C6orf89: variants seen among roughly 807,000 people sequenced by gnomAD.
The protein encoded by C6orf89 is chromosome 6 open reading frame 89, also known as bombesin receptor-activated protein C6orf89.
C6orf89 carries 29 observed loss-of-function variants against 40.7 expected under a neutral mutation model. That is an observed-to-expected ratio of 0.71 (90% CI 0.53 to 0.97). C6orf89 has a LOEUF of 0.97. Among genes scored for constraint, C6orf89 ranks in the 50% least tolerant of loss-of-function variants. The probability of loss-of-function intolerance (pLI) is 0.00; values close to 1 mark genes in which losing one functional copy is unlikely to be tolerated. For synonymous variants in C6orf89, 165 were observed against 152.2 expected, an observed-to-expected ratio of 1.08 and a Z score of -0.62; for missense variants, 392 against 429.1, an observed-to-expected ratio of 0.91 and a Z score of 0.76.
At chr6:36,883,576 A>T (rs1329441732), upstream of C6orf89, among the ~76,000 whole-genome samples, 1 of 152,250 alleles carries the variant, frequency 6.6e-6, no homozygotes, top group African/African-American at 2.4e-5. Context: ...AGCCTTAAAC[A>T]TGAATAACCT....
chr6:36,901,782 G>A (rs1024392997), intron 3 of C6orf89, among the ~76,000 whole-genome samples: 4 of 149,772 alleles, frequency 2.7e-5, no homozygotes, highest in African/African-American at 7.4e-5. Context: ...GCCATTCTCC[G>A]GCCTCAGCCT....
At chr6:36,884,304 A>C (rs760608429), upstream of C6orf89, among the ~76,000 whole-genome samples, 1 of 152,208 alleles carries the variant, frequency 6.6e-6, no homozygotes, top group African/African-American at 2.4e-5. This position sits in a 1 kb window ranked among gnomAD's most constrained non-coding sequence, Gnocchi z 4.0. Context: ...GTAGGGGATT[A>C]GTGAAAAGAC....
intron 4 of C6orf89, among the ~76,000 whole-genome samples, chr6:36,908,967 A>G (rs1473930441): frequency 6.6e-6 from 1 of 152,226 alleles, no homozygotes; most frequent in East Asian, 1.9e-4. Context: ...GACATCATTC[A>G]GATTGGATTC....
rs1762662183 is a variant in C6orf89 at position 36,925,943 on chromosome 6, C to G, written c.*2502C>G. 6.6e-6 allele frequency: 1 copy of G among 152,238 alleles called. No individual in the cohort carries two copies. The highest frequency in any genetic ancestry group is 6.5e-5 in the Admixed American group (1 of 15,288). The allele number at this position is 152,238 out of a possible 1,614,324, so 9.4% of individuals were successfully genotyped here. On this transcript the variant is annotated 3_prime_UTR_variant, in exon 9 of 9. Transcript: ENST00000480824. ...ACAATAAGAACAAAACTGTAGGGCTCTAAAGAGAGGGGGTGGTTTACAAGT... is the reference window on the plus strand; with the variant it reads ...ACAATAAGAACAAAACTGTAGGGCTGTAAAGAGAGGGGGTGGTTTACAAGT...
At chr6:36,913,281 G>A (rs934357446) in intron 4 of C6orf89, among the ~76,000 whole-genome samples, 3 of 152,200 alleles carry the variant, frequency 2.0e-5, no homozygotes, top group African/African-American at 4.8e-5. Flanking sequence ...TTCCATTTCT[G>A]ACCAGCATGT....
upstream of C6orf89, among the ~76,000 whole-genome samples, chr6:36,885,437 T>C (rs146109229): frequency 1.3e-3 from 204 of 152,370 alleles, no homozygotes; most frequent in Non-Finnish European, 2.0e-3. Context: ...TCGTGAATCT[T>C]CCATTGCTCA....
rs1318006003 is a variant in C6orf89 at position 36,927,694 on chromosome 6, C to A, written c.*4253C>A. The A allele has an allele frequency of 6.6e-6, 1 of 152,226 alleles. No homozygotes were observed. The highest frequency in any genetic ancestry group is 2.4e-5 in the African/African-American group (1 of 41,440). 9.4% of individuals were successfully genotyped at this position (152,226 alleles called of 1,614,324 possible). ...GAAATTCTCTCTGTATTTGGACCTGCAGATGTTGTGTACAGAACCGATGCA... is the reference window on the plus strand; with the variant it reads ...GAAATTCTCTCTGTATTTGGACCTGAAGATGTTGTGTACAGAACCGATGCA... On this transcript the variant is annotated 3_prime_UTR_variant, in exon 9 of 9. Transcript: ENST00000480824.
rs537922814 is a variant in C6orf89, at chr6:36,926,456, C to T, written c.*3015C>T. ...GCTGAGGCAGGAAAATTGCTTGAAC[C>T]GGGGAGGCGGAGATTGCAGTGAGCC... On this transcript the variant is annotated 3_prime_UTR_variant, in exon 9 of 9. Coordinates refer to ENST00000480824, the MANE Select transcript of C6orf89 (RefSeq NM_001286635.2). 3 of 151,522 alleles carry T rather than the reference C, an allele frequency of 2.0e-5. No homozygotes were observed. The highest frequency in any genetic ancestry group is 4.4e-5 in the Non-Finnish European group (3 of 67,936). The allele number at this position is 151,522 out of a possible 1,614,324, so 9.4% of individuals were successfully genotyped here. A position where few individuals can be genotyped will look rare whatever the true frequency, so the allele number is the denominator to read the frequency against.
chr6:36,912,557 CA>C (rs1291995583), intron 4 of C6orf89, among the ~76,000 whole-genome samples: 2 of 152,128 alleles, frequency 1.3e-5, no homozygotes, highest in Non-Finnish European at 2.9e-5. Flanking sequence ...AGAAAAAATG[CA>C]ACTTTGCAGC....
Position 36,921,848 on chromosome 6 carries a change from T to C in C6orf89, c.950-1499T>C, listed in dbSNP as rs372426514. ...TTCAAGACCAGTCTGGGCAAGATGG[T>C]AGGACCTTGTATCTACCCAAAATTA... On this transcript the variant is annotated intron_variant, in intron 8 of 8. Transcript: ENST00000480824. Among the ~76,000 whole-genome samples, 4 of 151,782 alleles carry C rather than the reference T, an allele frequency of 2.6e-5. No homozygotes were observed. In the East Asian group the frequency reaches 5.9e-4, roughly 22 times the overall value.
At position 36,902,219 on chromosome 6, in the gene C6orf89, A is replaced by G. The variant is rs763617283; in HGVS notation, c.190-2A>G. 8.1e-6 allele frequency: 13 copies of G among 1,613,474 alleles called. No individual in the cohort carries two copies. Among genetic ancestry groups the G allele is most frequent in the African/African-American group, 2.7e-5 (2 of 74,832 alleles). On this transcript the variant is annotated splice_acceptor_variant, in intron 3 of 8. Coordinates refer to ENST00000480824, the MANE Select transcript of C6orf89 (RefSeq NM_001286635.2). LOFTEE classifies it high-confidence loss of function. The stretch of plus-strand genomic sequence containing the variant: ...TAATGCCTTTTCTATCTTTCCTTGT[A>G]GGTTCTCGCAACCTTGGGATTAATC...
chr6:36,911,156 C>T (rs1583187740), intron 4 of C6orf89, among the ~76,000 whole-genome samples: 1 of 152,226 alleles, frequency 6.6e-6, no homozygotes, highest in African/African-American at 2.4e-5. Flanking sequence ...ACCTGGAAAT[C>T]CCAAGAATAT....
chr6:36,913,427 C>G (rs1437865207), intron 4 of C6orf89, among the ~76,000 whole-genome samples: 1 of 152,212 alleles, frequency 6.6e-6, no homozygotes, highest in Non-Finnish European at 1.5e-5. Context: ...TCCCTTTCCT[C>G]TTCTGTGTCC....
At chr6:36,876,977 C>T (rs1774675859) in intron 1 of C6orf89, among the ~76,000 whole-genome samples, 1 of 152,210 alleles carries the variant, frequency 6.6e-6, no homozygotes, top group African/African-American at 2.4e-5. Flanking sequence ...AAAGGGTAGA[C>T]CACTTTCTGC....
At chr6:36,874,782 G>A (rs1483296704) in intron 1 of C6orf89, 1 of 1,614,014 alleles carries the variant, frequency 6.2e-7, no homozygotes, top group South Asian at 1.1e-5. Flanking sequence ...TAGCGAAGCC[G>A]GCGGCGGAAT....
Position 36,919,698 on chromosome 6 carries a change from A to T in C6orf89, c.946A>T (p.Ile316Phe), listed in dbSNP as rs747492459. ...SVAMPIEPGD[I>F]GYVDTTHWKV... ...GGCCATGCCAATAGAGCCAGGGGATATCGGTATGTAGGGCCCCAGGAGGGC... is the reference window on the plus strand; with the variant it reads ...GGCCATGCCAATAGAGCCAGGGGATTTCGGTATGTAGGGCCCCAGGAGGGC... Residue 316 changes from isoleucine (I) to phenylalanine (F), a missense_variant, in exon 8 of 9, where the codon ATC becomes TTC. Physicochemically the swap from Ile to Phe is conservative, Grantham distance 21. Transcript: ENST00000480824. The T allele has an allele frequency of 6.2e-7, 1 of 1,611,320 alleles. No individual in the cohort carries two copies. Among genetic ancestry groups the T allele is most frequent in the South Asian group, 1.1e-5 (1 of 90,742 alleles).
intron 2 of C6orf89, among the ~76,000 whole-genome samples, chr6:36,899,040 C>A (rs151060050): frequency 1.3e-5 from 2 of 152,188 alleles, no homozygotes; most frequent in East Asian, 3.9e-4. Flanking sequence ...TGTGCATAAT[C>A]CATTTTTTTT....
intron 2 of C6orf89, among the ~76,000 whole-genome samples, chr6:36,897,642 G>A (rs1469416060): frequency 1.3e-5 from 2 of 152,162 alleles, no homozygotes; most frequent in East Asian, 3.8e-4. Context: ...TTGATGCCCA[G>A]GTATGAGCAT....
At chr6:36,894,731 A>AC in intron 2 of C6orf89, 128 bp downstream of exon 2, 1 of 173,172 alleles carries the variant, frequency 5.8e-6, no homozygotes, top group Non-Finnish European at 1.1e-5. Flanking sequence ...TTATGGGATC[A>AC]CAGTGGTGAT....
Sources: gnomAD v4.1 joint callset for allele counts (sites outside exome capture counted in the v4.1 genomes callset) on GRCh38, gnomAD v4.1.1 for gene constraint, Gnocchi (gnomAD v3.1) non-coding constraint, MANE v1.5 for transcripts, NCBI Gene and HGNC (gene_info 2026-07-23, HGNC 2026-07-21) for gene names.